The following WNT3 variants were observed in gnomAD, a reference collection of about 807,000 sequenced individuals.
WNT3 encodes the protein Wnt family member 3, also known as proto-oncogene Wnt-3.
In WNT3, 7 loss-of-function variants were observed where a neutral mutation model predicts 34.2. The observed-to-expected ratio is 0.20, with a 90% CI of 0.12 to 0.38. The LOEUF is 0.38. WNT3 is among the 10% of genes least tolerant of loss of function. The pLI is 1.00. For synonymous variants in WNT3, 212 were observed against 211.5 expected, an observed-to-expected ratio of 1.00 and a Z score of -0.02; for missense variants, 267 against 499.8, an observed-to-expected ratio of 0.53 and a Z score of 4.44.
At chr17:46,767,864 T>C (rs1462319260) in intron 4 of WNT3, among the ~76,000 whole-genome samples, 6 of 152,162 alleles carry the variant, frequency 3.9e-5, no homozygotes, top group South Asian at 2.1e-4. Flanking sequence ...TCTCAGTTCA[T>C]TGCAACCTCT....
intron 2 of WNT3, among the ~76,000 whole-genome samples, chr17:46,770,686 C>T (rs1328495036): frequency 6.6e-6 from 1 of 152,192 alleles, no homozygotes. Flanking sequence ...CCTGCCCTCA[C>T]GCCCAGGCAC....
chr17:46,798,472 G>A (rs765511354), intron 1 of WNT3, among the ~76,000 whole-genome samples: 5 of 152,330 alleles, frequency 3.3e-5, no homozygotes, highest in East Asian at 1.9e-4. Flanking sequence ...TCAGCTTGCA[G>A]GAGAATAGCT....
At chr17:46,810,141 G>C (rs2084254634) in intron 1 of WNT3, among the ~76,000 whole-genome samples, 2 of 151,570 alleles carry the variant, frequency 1.3e-5, no homozygotes, top group Non-Finnish European at 2.9e-5. Context: ...CGAGTAGCTG[G>C]GATTACAGGC....
chr17:46,764,619 G>A lies in WNT3; in HGVS notation c.*11C>T, dbSNP rs887607865. ...GCCACACACTTCACCCCTTCCCAGC[G>A]CCCTTGGGGAAAATCAAGAGGAAGA... On this transcript the variant is annotated splice_region_variant and 3_prime_UTR_variant, in exon 5 of 5. Coordinates refer to ENST00000225512, the MANE Select transcript of WNT3 (RefSeq NM_030753.5). 12 of 152,266 alleles carry A rather than the reference G, an allele frequency of 7.9e-5. No individual in the cohort carries two copies. Among genetic ancestry groups the A allele is most frequent in the African/African-American group, 2.9e-4 (12 of 41,442 alleles). The allele number at this position is 152,266 out of a possible 1,614,324, so 9.4% of individuals were successfully genotyped here.
At chr17:46,802,922 A>G (rs556487819) in intron 1 of WNT3, among the ~76,000 whole-genome samples, 5 of 152,318 alleles carry the variant, frequency 3.3e-5, no homozygotes, top group East Asian at 1.9e-4. Context: ...ATGGAACCCA[A>G]GGAGGAAGTC....
chr17:46,816,477 A>G (rs775434541), intron 1 of WNT3, among the ~76,000 whole-genome samples: 71 of 19,992 alleles, frequency 3.6e-3, no homozygotes, highest in Admixed American at 7.7e-3. Context: ...GAACACACGC[A>G]CACACACACA....
chr17:46,798,176 G>A (rs993861895), intron 1 of WNT3, among the ~76,000 whole-genome samples: 3 of 152,164 alleles, frequency 2.0e-5, no homozygotes, highest in Non-Finnish European at 4.4e-5. Flanking sequence ...TGATCCTCCC[G>A]CCTCGGCCTC....
intron 4 of WNT3, among the ~76,000 whole-genome samples, chr17:46,767,138 A>G (rs1411939476): frequency 6.6e-6 from 1 of 151,658 alleles, no homozygotes; most frequent in Non-Finnish European, 1.5e-5. Context: ...GTCCAGGACC[A>G]CTCCTCATCC....
At chr17:46,774,056 G>A (rs2059395809) in intron 1 of WNT3, 147 bp from the exon 2 acceptor site, 2 of 1,204,076 alleles carry the variant, frequency 1.7e-6, no homozygotes, top group Admixed American at 2.1e-5. Context: ...TTTGACCTCG[G>A]GAGCATGCCG....
At chr17:46,801,328 T>C (rs2084122173) in intron 1 of WNT3, among the ~76,000 whole-genome samples, 1 of 152,116 alleles carries the variant, frequency 6.6e-6, no homozygotes, top group Non-Finnish European at 1.5e-5. Flanking sequence ...CGTTTAAAAA[T>C]GACCAAAGTG....
chr17:46,768,557 G>A lies in WNT3; in HGVS notation c.831C>T (p.Tyr277=), dbSNP rs903602434. Residue 277 remains tyrosine (Y), a synonymous_variant, in exon 4 of 5, where the codon TAC becomes TAT. Transcript: ENST00000225512. This position sits in a 1 kb window ranked among gnomAD's most constrained non-coding sequence, Gnocchi z 5.0. ...KPPTERDLVY[Y]ENSPNFCEPN... ...GCTCACAAAAGTTGGGGGAGTTCTC[G>A]TAGTAGACCAGGTCCCTCTCCGTGG... is the stretch of plus-strand genomic sequence containing the variant. 6 of 1,614,082 alleles carry A rather than the reference G, an allele frequency of 3.7e-6. No homozygotes were observed. The African/African-American group carries it at 4.0e-5, about 11-fold the overall frequency.
intron 4 of WNT3, among the ~76,000 whole-genome samples, chr17:46,767,305 G>A (rs142723251): frequency 5.3e-5 from 8 of 152,106 alleles, no homozygotes; most frequent in Non-Finnish European, 1.0e-4. Context: ...CCTGCTCCCC[G>A]TCATCATCCA....
At chr17:46,771,594 C>T (rs1386523810) in intron 2 of WNT3, among the ~76,000 whole-genome samples, 1 of 147,834 alleles carries the variant, frequency 6.8e-6, no homozygotes, top group Non-Finnish European at 1.5e-5. Flanking sequence ...CTCAATCCGC[C>T]TTTGTTCGCG....
intron 1 of WNT3, among the ~76,000 whole-genome samples, chr17:46,805,292 G>C (rs1347119542): frequency 6.6e-6 from 1 of 152,054 alleles, no homozygotes; most frequent in Non-Finnish European, 1.5e-5. Context: ...AAGAAAAAAG[G>C]CTGGGCACAG....
intron 1 of WNT3, among the ~76,000 whole-genome samples, chr17:46,817,327 C>A (rs1225884586): frequency 6.6e-6 from 1 of 152,244 alleles, no homozygotes; most frequent in Non-Finnish European, 1.5e-5. Flanking sequence ...CCGGGGGCCA[C>A]AGCCCACTTC....
chr17:46,798,058 A>G (rs2084077025), intron 1 of WNT3, among the ~76,000 whole-genome samples: 1 of 152,060 alleles, frequency 6.6e-6, no homozygotes, highest in Non-Finnish European at 1.5e-5. Flanking sequence ...CCTCCCGAGT[A>G]GCTAGGACCA....
intron 1 of WNT3, among the ~76,000 whole-genome samples, chr17:46,813,170 G>A (rs947340261): frequency 4.6e-5 from 7 of 152,048 alleles, no homozygotes; most frequent in African/African-American, 1.4e-4. Context: ...ATACAGGCCC[G>A]GAATGTGTGC....
At chr17:46,810,534 A>G (rs377209108) in intron 1 of WNT3, among the ~76,000 whole-genome samples, 2 of 152,320 alleles carry the variant, frequency 1.3e-5, no homozygotes, top group South Asian at 2.1e-4. Context: ...CGGCCCTGCA[A>G]GCAGGCAGGG....
intron 1 of WNT3, among the ~76,000 whole-genome samples, chr17:46,804,372 C>T (rs2084165207): frequency 6.6e-6 from 1 of 152,216 alleles, no homozygotes; most frequent in South Asian, 2.1e-4. Flanking sequence ...CAGGCGCAAG[C>T]CACCACAACT....
Sources: gnomAD v4.1 joint callset for allele counts (sites outside exome capture counted in the v4.1 genomes callset) on GRCh38, gnomAD v4.1.1 for gene constraint, Gnocchi (gnomAD v3.1) non-coding constraint, MANE v1.5 for transcripts, NCBI Gene and HGNC (gene_info 2026-07-23, HGNC 2026-07-21) for gene names.